Variants in ZRANB3 observed in about 807,000 individuals in gnomAD.
ZRANB3 encodes zinc finger RANBP2-type containing 3, also known as DNA annealing helicase and endonuclease ZRANB3.
Under a neutral mutation model 133.8 loss-of-function variants are expected in ZRANB3, and 125 were observed. The observed-to-expected ratio is 0.93, with a 90% CI of 0.81 to 1.08. The LOEUF (loss-of-function observed/expected upper bound fraction) is 1.08. Among genes scored for constraint, ZRANB3 ranks in the 50% least tolerant of loss-of-function variants. The probability of loss-of-function intolerance (pLI) is 0.00; values close to 1 mark genes in which losing one functional copy is unlikely to be tolerated. For missense variants in ZRANB3, 1,229 were observed against 1,275.5 expected (o/e 0.96, Z 0.56); for synonymous variants, 387 against 432.7 (o/e 0.89, Z 1.31).
intron 2 of ZRANB3, among the ~76,000 whole-genome samples, chr2:135,438,015 C>T (rs1403388737): frequency 6.6e-6 from 1 of 152,130 alleles, no homozygotes; most frequent in Non-Finnish European, 1.5e-5. Context: ...ACATGTTCTC[C>T]TCCTCTGGGA....
At chr2:135,360,296 G>T (rs545025178) in intron 3 of ZRANB3, among the ~76,000 whole-genome samples, 2 of 152,078 alleles carry the variant, frequency 1.3e-5, no homozygotes, top group African/African-American at 4.8e-5. Flanking sequence ...CAGGAGAATT[G>T]CTTGAACAGG....
intron 8 of ZRANB3, among the ~76,000 whole-genome samples, chr2:135,305,872 T>C (rs1337649902): frequency 1.3e-5 from 2 of 151,624 alleles, no homozygotes; most frequent in Non-Finnish European, 2.9e-5. Context: ...GGCTGAAAGC[T>C]TTTTTTTTCT....
intron 5 of ZRANB3, among the ~76,000 whole-genome samples, chr2:135,349,334 T>C (rs903229137): frequency 5.3e-5 from 8 of 152,224 alleles, no homozygotes; most frequent in African/African-American, 1.4e-4. Flanking sequence ...TTTTCTAAGA[T>C]TCAGTGTTCA....
intron 6 of ZRANB3, among the ~76,000 whole-genome samples, chr2:135,324,492 T>G (rs976497279): frequency 2.0e-5 from 3 of 152,156 alleles, no homozygotes; most frequent in Non-Finnish European, 4.4e-5. Context: ...TGTTGGACAT[T>G]TGGGTTGGCT....
intron 3 of ZRANB3, among the ~76,000 whole-genome samples, chr2:135,384,061 T>G (rs953773298): frequency 6.6e-6 from 1 of 152,220 alleles, no homozygotes; most frequent in Non-Finnish European, 1.5e-5. Flanking sequence ...AGGAGCTGGT[T>G]TTTTGAAAAG....
At chr2:135,453,882 G>A (rs1027199044) in intron 2 of ZRANB3, among the ~76,000 whole-genome samples, 4 of 152,062 alleles carry the variant, frequency 2.6e-5, no homozygotes, top group African/African-American at 9.7e-5. Flanking sequence ...TTTCAGCAAC[G>A]CCCAACTCTA....
intron 2 of ZRANB3, among the ~76,000 whole-genome samples, chr2:135,406,873 T>C (rs1194896581): frequency 6.6e-6 from 1 of 152,190 alleles, no homozygotes; most frequent in Non-Finnish European, 1.5e-5. Context: ...TCATACTGAA[T>C]GGGCAAAAAC....
chr2:135,361,712 T>G (rs1031549710), intron 3 of ZRANB3, among the ~76,000 whole-genome samples: 2 of 152,210 alleles, frequency 1.3e-5, no homozygotes, highest in Non-Finnish European at 2.9e-5. Flanking sequence ...GGTATGCTTT[T>G]AAAATCTTAG....
At chr2:135,437,419 A>C (rs548146226) in intron 2 of ZRANB3, among the ~76,000 whole-genome samples, 21 of 152,372 alleles carry the variant, frequency 1.4e-4, no homozygotes, top group African/African-American at 4.8e-4. Context: ...CAAAGTATCC[A>C]ATGATGTACA....
intron 2 of ZRANB3, among the ~76,000 whole-genome samples, chr2:135,497,444 G>C (rs1692724783): frequency 6.6e-6 from 1 of 152,120 alleles, no homozygotes; most frequent in Admixed American, 6.5e-5. Context: ...CCATATGGTA[G>C]GCACTAAACA....
chr2:135,507,916 G>A (rs536085431), intron 1 of ZRANB3, among the ~76,000 whole-genome samples: 3 of 151,224 alleles, frequency 2.0e-5, no homozygotes, highest in South Asian at 4.3e-4. Flanking sequence ...CTCCAGCATG[G>A]ATGACAGAGC....
chr2:135,226,113 C>G (rs1304664538), intron 14 of ZRANB3, among the ~76,000 whole-genome samples: 1 of 152,182 alleles, frequency 6.6e-6, no homozygotes, highest in African/African-American at 2.4e-5. Flanking sequence ...GCTTAAAGAT[C>G]AGAAGCCATT....
intron 2 of ZRANB3, among the ~76,000 whole-genome samples, chr2:135,489,879 G>A (rs1692298538): frequency 6.6e-6 from 1 of 152,072 alleles, no homozygotes; most frequent in South Asian, 2.1e-4. Flanking sequence ...TGTCTTCAAA[G>A]AAGCAAGCCA....
At chr2:135,461,947 G>A (rs1210552542) in intron 2 of ZRANB3, among the ~76,000 whole-genome samples, 1 of 152,096 alleles carries the variant, frequency 6.6e-6, no homozygotes, top group Non-Finnish European at 1.5e-5. Context: ...AACACCCCTA[G>A]CCTGGAAAAG....
intron 12 of ZRANB3, among the ~76,000 whole-genome samples, chr2:135,242,501 G>T (rs941267375): frequency 6.6e-6 from 1 of 151,612 alleles, no homozygotes; most frequent in African/African-American, 2.4e-5. Flanking sequence ...GTTACCCAGG[G>T]GGGGCTCAAA....
At chr2:135,421,489 T>G (rs574412124) in intron 2 of ZRANB3, among the ~76,000 whole-genome samples, 1 of 152,328 alleles carries the variant, frequency 6.6e-6, no homozygotes, top group African/African-American at 2.4e-5. Context: ...AAAGTATTAT[T>G]AGCCATATTT....
At chr2:135,415,218 A>G (rs1688507013) in intron 2 of ZRANB3, among the ~76,000 whole-genome samples, 1 of 151,786 alleles carries the variant, frequency 6.6e-6, no homozygotes, top group South Asian at 2.1e-4. Context: ...AGCAACTCTA[A>G]TAAAGAAAAA....
intron 2 of ZRANB3, among the ~76,000 whole-genome samples, chr2:135,432,230 T>C (rs1689354350): frequency 6.6e-6 from 1 of 152,074 alleles, no homozygotes; most frequent in African/African-American, 2.4e-5. Flanking sequence ...AGCCTGGGCA[T>C]TAAGAGTGAA....
At chr2:135,518,185 A>G (rs1425467436) in intron 1 of ZRANB3, among the ~76,000 whole-genome samples, 1 of 152,090 alleles carries the variant, frequency 6.6e-6, no homozygotes, top group African/African-American at 2.4e-5. Context: ...GGATCTACTT[A>G]GCTTGCTGGG....
Sources: allele counts gnomAD v4.1 joint callset (sites outside exome capture counted in the v4.1 genomes callset), GRCh38; gene constraint gnomAD v4.1.1; transcripts MANE v1.5; gene names NCBI Gene and HGNC (gene_info 2026-07-23, HGNC 2026-07-21).